The following CDS2 variants were observed in gnomAD, a reference collection of about 807,000 sequenced individuals.
CDS2 encodes the protein CDP-diacylglycerol synthase 2.
CDS2 carries 47 observed loss-of-function variants against 59.0 expected under a neutral mutation model. The observed-to-expected ratio is 0.80, with a 90% CI of 0.63 to 1.02. The LOEUF is 1.02. Among genes scored for constraint, CDS2 ranks in the 50% least tolerant of loss-of-function variants. CDS2 has a pLI of 0.00. For missense variants in CDS2, 356 were observed against 558.9 expected (o/e 0.64, Z 3.66); for synonymous variants, 207 against 206.4 (o/e 1.00, Z -0.02).
At chr20:5,185,024 A>G in intron 8 of CDS2, 79 bp downstream of exon 8, 1 of 1,047,402 alleles carries the variant, frequency 9.5e-7, no homozygotes, top group Non-Finnish European at 1.5e-6. Context: ...AGCCTGGCAG[A>G]CAGAAGAAAT....
chr20:5,176,390 T>TA (rs940966373), intron 3 of CDS2: 15,634 of 328,632 alleles, frequency 0.048, no homozygotes, highest in Middle Eastern at 0.071. Flanking sequence ...AACCCTGTCT[T>TA]AAAAAAAAAA....
In CDS2 at chr20:5,182,377, C is replaced by T. The variant is rs1408804433; in HGVS notation, c.530-10C>T. The T allele has an allele frequency of 1.9e-6, 3 of 1,605,614 alleles. No homozygotes were observed. Among genetic ancestry groups the T allele is most frequent in the Non-Finnish European group, 2.5e-6 (3 of 1,176,532 alleles). Reference sequence around the variant, plus strand: ...ATTCATTTTTCTTTTCTCCTCCCACCTCAAACTAGGATTCTGCATGTTTGT... The same window carrying T: ...ATTCATTTTTCTTTTCTCCTCCCACTTCAAACTAGGATTCTGCATGTTTGT... On this transcript the variant is annotated splice_polypyrimidine_tract_variant and intron_variant, in intron 5 of 12. Transcript: ENST00000460006.
chr20:5,153,250 C>G (rs956752375), intron 1 of CDS2, among the ~76,000 whole-genome samples: 1 of 152,144 alleles, frequency 6.6e-6, no homozygotes, highest in African/African-American at 2.4e-5. Context: ...CTATCTTATA[C>G]TTTTTATGTA....
At chr20:5,138,057 A>G (rs2090662766) in intron 1 of CDS2, among the ~76,000 whole-genome samples, 2 of 151,694 alleles carry the variant, frequency 1.3e-5, no homozygotes, top group South Asian at 2.1e-4. Flanking sequence ...TCAGCTTCCC[A>G]AAGTGCTGGG....
chr20:5,130,042 G>A (rs1003528175), intron 1 of CDS2, among the ~76,000 whole-genome samples: 1 of 151,702 alleles, frequency 6.6e-6, no homozygotes, highest in Non-Finnish European at 1.5e-5. Flanking sequence ...GCACAATCTC[G>A]GCTCACTGCA....
intron 1 of CDS2, among the ~76,000 whole-genome samples, chr20:5,141,973 TG>T (rs1663908528): frequency 6.6e-6 from 1 of 152,164 alleles, no homozygotes; most frequent in African/African-American, 2.4e-5. Flanking sequence ...TCAAAAAACA[TG>T]GAAGAGTGGG....
chr20:5,146,732 A>G (rs2090746696), intron 1 of CDS2, among the ~76,000 whole-genome samples: 1 of 152,226 alleles, frequency 6.6e-6, no homozygotes, highest in Non-Finnish European at 1.5e-5. Context: ...ATACCAAAAA[A>G]TAGTCCATGT....
intron 1 of CDS2, among the ~76,000 whole-genome samples, chr20:5,158,262 C>T (rs1277748945): frequency 4.0e-5 from 6 of 150,920 alleles, no homozygotes; most frequent in South Asian, 2.1e-4. Context: ...TTCTGCCTCT[C>T]GAGATCAAGT....
At chr20:5,167,806 A>C (rs1330953443) in intron 1 of CDS2, among the ~76,000 whole-genome samples, 1 of 152,230 alleles carries the variant, frequency 6.6e-6, no homozygotes, top group Non-Finnish European at 1.5e-5. Flanking sequence ...ACTTTCCTCC[A>C]GGAGAAAGTT....
Position 5,184,360 on chromosome 20 carries a change from G to A in CDS2, c.672-498G>A, listed in dbSNP as rs2091051977. Among the ~76,000 whole-genome samples the A allele has an allele frequency of 6.6e-6, 1 of 152,058 alleles. No individual in the cohort carries two copies. The highest frequency in any genetic ancestry group is 2.4e-5 in the African/African-American group (1 of 41,380). Reference sequence around the variant, plus strand: ...GGGTTTCACACTCAAATACAGTCCTGGGGAAAGATAGGGCCAACTAGAGCT... The same window carrying A: ...GGGTTTCACACTCAAATACAGTCCTAGGGAAAGATAGGGCCAACTAGAGCT... On this transcript the variant is annotated intron_variant, in intron 7 of 12. Coordinates refer to ENST00000460006, the MANE Select transcript of CDS2 (RefSeq NM_003818.4). This position sits in a 1 kb window ranked among gnomAD's most constrained non-coding sequence, Gnocchi z 4.3.
rs1041528155 is a variant in CDS2 at position 5,132,910 on chromosome 20, C to T, written c.57+5761C>T. Among the ~76,000 whole-genome samples the T allele has an allele frequency of 1.8e-4, 28 of 152,112 alleles. No homozygotes were observed. The East Asian group carries it at 2.7e-3, about 15-fold the overall frequency. ...TTTATCGGCCGGGCGCGGTGGCTCA[C>T]GCCTGTAATCCCAGCACTTTGGGAG... On this transcript the variant is annotated intron_variant, in intron 1 of 12. Transcript: ENST00000460006.
At chr20:5,151,045 T>C (rs2090785293) in intron 1 of CDS2, among the ~76,000 whole-genome samples, 1 of 152,186 alleles carries the variant, frequency 6.6e-6, no homozygotes, top group Admixed American at 6.5e-5. Flanking sequence ...TGGTACTAAA[T>C]CAGCTGTGAA....
At chr20:5,137,636 G>A (rs537878422) in intron 1 of CDS2, among the ~76,000 whole-genome samples, 1 of 151,670 alleles carries the variant, frequency 6.6e-6, no homozygotes, top group Admixed American at 6.6e-5. Context: ...AATTACAGAA[G>A]TAGGTCTCTA....
intron 1 of CDS2, among the ~76,000 whole-genome samples, chr20:5,146,336 G>T (rs2090743367): frequency 6.6e-6 from 1 of 152,182 alleles, no homozygotes; most frequent in African/African-American, 2.4e-5. Flanking sequence ...AGTTTGAGGT[G>T]GGTGATGAAG....
At chr20:5,127,967 G>T (rs908377702) in intron 1 of CDS2, among the ~76,000 whole-genome samples, 2 of 152,186 alleles carry the variant, frequency 1.3e-5, no homozygotes, top group African/African-American at 4.8e-5. Flanking sequence ...CAGGAGCCCT[G>T]TGTTTGGGAA....
intron 1 of CDS2, among the ~76,000 whole-genome samples, chr20:5,166,441 G>A (rs1020846202): frequency 2.0e-5 from 3 of 152,148 alleles, no homozygotes; most frequent in African/African-American, 7.2e-5. Flanking sequence ...GAGACATCTA[G>A]TAGTTATTTG....
intron 5 of CDS2, 91 bp from the exon 6 acceptor site, chr20:5,182,296 T>C: frequency 6.3e-6 from 7 of 1,102,974 alleles, no homozygotes; most frequent in Non-Finnish European, 9.2e-6. Flanking sequence ...GGGAATAAAT[T>C]AGCCAAAGAA....
At chr20:5,159,532 A>G (rs1167703015) in intron 1 of CDS2, among the ~76,000 whole-genome samples, 1 of 152,144 alleles carries the variant, frequency 6.6e-6, no homozygotes, top group Non-Finnish European at 1.5e-5. Context: ...AACAAGTGTA[A>G]GGAATCTTTG....
At chr20:5,147,399 G>T (rs2090752148) in intron 1 of CDS2, among the ~76,000 whole-genome samples, 4 of 152,192 alleles carry the variant, frequency 2.6e-5, no homozygotes, top group African/African-American at 9.6e-5. Context: ...GGATAGGAAA[G>T]AGGGGGGTCA....
Sources: allele counts gnomAD v4.1 joint callset (sites outside exome capture counted in the v4.1 genomes callset), GRCh38; gene constraint gnomAD v4.1.1; non-coding constraint Gnocchi (gnomAD v3.1); transcripts MANE v1.5; gene names NCBI Gene and HGNC (gene_info 2026-07-23, HGNC 2026-07-21).